SARDH: variants seen among roughly 807,000 people sequenced by gnomAD.
SARDH encodes sarcosine dehydrogenase, mitochondrial.
A neutral mutation model predicts 109.1 loss-of-function variants in SARDH; 95 were observed. The observed-to-expected ratio is 0.87, with a 90% CI of 0.74 to 1.03. The LOEUF (loss-of-function observed/expected upper bound fraction) is 1.03. Ranked by LOEUF, SARDH falls within the 50% of genes least tolerant of loss-of-function variation. The probability of loss-of-function intolerance (pLI) is 0.00; values close to 1 mark genes in which losing one functional copy is unlikely to be tolerated. For missense variants in SARDH, 1,267 were observed against 1,287.8 expected, an observed-to-expected ratio of 0.98 and a Z score of 0.25; for synonymous variants, 572 against 534.8, an observed-to-expected ratio of 1.07 and a Z score of -0.96.
intron 19 of SARDH, 118 bp downstream of exon 19, chr9:133,670,466 T>C (rs2797844): frequency 0.52 from 588,872 of 1,138,368 alleles, 155,934 homozygotes; most frequent in East Asian, 0.81. Flanking sequence ...TGGAAGAGCA[T>C]GGCTGGCACA....
intron 6 of SARDH, 79 bp downstream of exon 6, chr9:133,729,686 C>T: frequency 7.7e-7 from 1 of 1,298,502 alleles, no homozygotes; most frequent in Non-Finnish European, 1.1e-6. Flanking sequence ...GGTCACACCA[C>T]CTGGGTTCAA....
chr9:133,688,253 C>T (rs566676924), intron 16 of SARDH, among the ~76,000 whole-genome samples: 7 of 152,302 alleles, frequency 4.6e-5, no homozygotes, highest in Admixed American at 3.3e-4. Context: ...ATGATTCCAC[C>T]GCATCCCAGT....
chr9:133,660,787 C>A (rs1044429203), downstream of SARDH, among the ~76,000 whole-genome samples: 1 of 152,174 alleles, frequency 6.6e-6, no homozygotes, highest in Non-Finnish European at 1.5e-5. Context: ...AGAAGTGGGG[C>A]GACCCCAGGC....
chr9:133,712,763 A>G lies in SARDH; in HGVS notation c.1238-54T>C. 11 of 1,497,326 alleles carry G rather than the reference A, an allele frequency of 7.3e-6. No individual in the cohort carries two copies. The highest frequency in any genetic ancestry group is 1.8e-4 in the Middle Eastern group (1 of 5,446). The allele number at this position is 1,497,326 out of a possible 1,614,324, so 92.8% of individuals were successfully genotyped here. ...GTCTGCCCCCCAGGGTCCCCCACCC[A>G]TGTCCAAACATGTGCCCCCATCTCC... On this transcript the variant is annotated intron_variant, in intron 9 of 20. Transcript: ENST00000439388. The surrounding 1 kb of genome is among the most constrained non-coding windows in gnomAD (Gnocchi z 4.1).
chr9:133,676,082 C>A (rs1303526814), intron 17 of SARDH, among the ~76,000 whole-genome samples: 1 of 140,446 alleles, frequency 7.1e-6, no homozygotes, highest in East Asian at 2.1e-4. Flanking sequence ...CAGACTAAGA[C>A]CCTGTCTGAA....
At chr9:133,667,232 T>C (rs1830107907) in intron 19 of SARDH, 3 of 445,656 alleles carry the variant, frequency 6.7e-6, no homozygotes, top group South Asian at 7.0e-5. Flanking sequence ...AGTGGCACAA[T>C]CTAGACTCAC....
rs1395919017 is a variant in SARDH at position 133,686,486 on chromosome 9, C to T, written c.2070-1200G>A. ...TACTCGTTGTCCAAGATCCCACAGT[C>T]TCCTGCCAGGGTGTCTCTCACATTG... On this transcript the variant is annotated intron_variant, in intron 16 of 20. Coordinates refer to ENST00000439388, the MANE Select transcript of SARDH (RefSeq NM_001134707.2). The surrounding 1 kb of genome is among the most constrained non-coding windows in gnomAD (Gnocchi z 4.0). Among the ~76,000 whole-genome samples the T allele has an allele frequency of 6.6e-6, 1 of 152,172 alleles. No homozygotes were observed. Among genetic ancestry groups the T allele is most frequent in the Non-Finnish European group, 1.5e-5 (1 of 68,008 alleles).
intron 18 of SARDH, 52 bp from the exon 19 acceptor site, chr9:133,670,804 T>G: frequency 3.3e-6 from 5 of 1,496,036 alleles, no homozygotes; most frequent in Non-Finnish European, 4.4e-6. Flanking sequence ...GGATAAGCCC[T>G]TCAGGAGATG....
chr9:133,718,588 G>C lies in SARDH; in HGVS notation c.1020+350C>G. The C allele has an allele frequency of 1.3e-6, 1 of 759,604 alleles. No homozygotes were observed. Among genetic ancestry groups the C allele is most frequent in the African/African-American group, 1.7e-5 (1 of 59,126 alleles). 47.1% of individuals were successfully genotyped at this position (759,604 alleles called of 1,614,324 possible). ...CTGCCCGGGAAACAGCCCAGGCCAG[G>C]GGAAATGCCGCTGCAGCAGCTGGTT... is the stretch of plus-strand genomic sequence containing the variant. On this transcript the variant is annotated intron_variant, in intron 7 of 20. Coordinates refer to ENST00000439388, the MANE Select transcript of SARDH (RefSeq NM_001134707.2). The surrounding 1 kb of genome is among the most constrained non-coding windows in gnomAD (Gnocchi z 4.2).
chr9:133,726,748 A>G (rs1195629023), intron 6 of SARDH, among the ~76,000 whole-genome samples: 1 of 151,884 alleles, frequency 6.6e-6, no homozygotes, highest in Admixed American at 6.6e-5. Flanking sequence ...TCTTTCTTCC[A>G]TCTGATCCCT....
At chr9:133,702,843 G>A (rs1293440119) in intron 13 of SARDH, 73 bp downstream of exon 13, 11 of 1,415,970 alleles carry the variant, frequency 7.8e-6, no homozygotes, top group South Asian at 4.7e-5. Flanking sequence ...AGGGCCAGCC[G>A]AGGGCCGGCG....
intron 20 of SARDH, among the ~76,000 whole-genome samples, chr9:133,665,262 G>A (rs1278572593): frequency 6.6e-6 from 1 of 152,202 alleles, no homozygotes; most frequent in Non-Finnish European, 1.5e-5. Context: ...CCCTGACTCC[G>A]GAGAAAGGCG....
intron 17 of SARDH, among the ~76,000 whole-genome samples, chr9:133,675,920 G>A (rs1437720890): frequency 6.6e-6 from 1 of 152,016 alleles, no homozygotes; most frequent in Non-Finnish European, 1.5e-5. Context: ...GGGAGGCCCT[G>A]TCTCTACAAA....
At chr9:133,725,413 C>A in intron 6 of SARDH, 1 of 320,250 alleles carries the variant, frequency 3.1e-6, no homozygotes, top group Admixed American at 4.2e-5. Context: ...TGGCTCACGC[C>A]TGTAATCCTA....
rs767624464 is a variant in SARDH, at chr9:133,734,127, C to A, written c.47G>T (p.Arg16Leu). ...RALRVAAAHPRQSPTRGMGPC... is the reference protein window; with the variant it reads ...RALRVAAAHPLQSPTRGMGPC... ...CCCCATGCCCCGGGTAGGGCTCTGG[C>A]GAGGGTGGGCAGCAGCCACACGTAG... is the stretch of plus-strand genomic sequence containing the variant. The change falls in exon 2 of 21, where the codon CGC becomes CTC. Residue 16 changes from arginine (R) to leucine (L), a missense_variant. Physicochemically the swap from Arg to Leu is moderately radical, Grantham distance 102. Transcript: ENST00000439388. 2 of 1,609,032 alleles carry A rather than the reference C, an allele frequency of 1.2e-6. No individual in the cohort carries two copies. The highest frequency in any genetic ancestry group is 2.7e-5 in the African/African-American group (2 of 74,886).
intron 17 of SARDH, among the ~76,000 whole-genome samples, chr9:133,672,125 G>A (rs1480014240): frequency 1.3e-5 from 2 of 152,112 alleles, no homozygotes; most frequent in African/African-American, 2.4e-5. Context: ...TTCCACTCTC[G>A]AGGGAGCCTC....
intron 6 of SARDH, 90 bp downstream of exon 6, chr9:133,729,675 G>C (rs1832605574): frequency 8.8e-7 from 1 of 1,134,692 alleles, no homozygotes; most frequent in Admixed American, 1.9e-5. Flanking sequence ...GGACCCACAA[G>C]GGTCACACCA....
intron 1 of SARDH, among the ~76,000 whole-genome samples, chr9:133,737,480 G>T (rs2131528130): frequency 6.6e-6 from 1 of 152,264 alleles, no homozygotes; most frequent in Admixed American, 6.5e-5. Flanking sequence ...CCCCAAAAGT[G>T]GTGCCCCACC....
At chr9:133,668,324 C>A (rs28558118) in intron 19 of SARDH, among the ~76,000 whole-genome samples, 5 of 119,270 alleles carry the variant, frequency 4.2e-5, no homozygotes, top group Admixed American at 1.7e-4. Context: ...CCCCACCCTC[C>A]CTCTCCCTCT....
Sources: allele counts gnomAD v4.1 joint callset (sites outside exome capture counted in the v4.1 genomes callset), GRCh38; gene constraint gnomAD v4.1.1; non-coding constraint Gnocchi (gnomAD v3.1); transcripts MANE v1.5; gene names NCBI Gene and HGNC (gene_info 2026-07-23, HGNC 2026-07-21).